Variants in DMD observed in about 807,000 individuals in gnomAD.
DMD encodes dystrophin.
In DMD, 63 loss-of-function variants were observed where a neutral mutation model predicts 330.1. The ratio of observed to expected loss-of-function variants is 0.19; its 90% CI spans 0.16 to 0.24. DMD has a LOEUF of 0.24. Ranked by LOEUF, DMD falls within the 10% of genes least tolerant of loss-of-function variation. The probability of loss-of-function intolerance (pLI) is 1.00; values close to 1 mark genes in which losing one functional copy is unlikely to be tolerated. For synonymous variants in DMD, 1,223 were observed against 959.8 expected (o/e 1.27, Z -5.07); for missense variants, 3,344 against 2,684.1 (o/e 1.25, Z -5.43).
Position 32,545,200 on chromosome X carries a change from T to C in DMD, c.2127A>G (p.Gln709=), listed in dbSNP as rs749946235. The change falls in exon 17 of 79, where the codon CAA becomes CAG. Residue 709 remains glutamine (Q), a synonymous_variant. Transcript: ENST00000357033. ...AATCCACAGTAATCTGCCTCTTCTT[T>C]TGGGGAGGTGGTGGTGGAAGTTCCT... The part of the protein sequence containing the change: ...AQEELPPPPP[Q]KKRQITVDSE... 3 of 1,210,833 alleles carry C rather than the reference T, an allele frequency of 2.5e-6. No homozygotes were observed. Among genetic ancestry groups the C allele is most frequent in the East Asian group, 3.0e-5 (1 of 33,810 alleles).
intron 1 of DMD, among the ~76,000 whole-genome samples, chrX:33,187,092 T>C (rs1412156826): frequency 4.5e-5 from 5 of 112,132 alleles, no homozygotes; most frequent in Non-Finnish European, 9.4e-5. Context: ...GAATTGAACA[T>C]TGATTTAATA....
At chrX:32,444,699 G>T (rs190320635) in intron 27 of DMD, among the ~76,000 whole-genome samples, 2 of 110,948 alleles carry the variant, frequency 1.8e-5, no homozygotes, top group East Asian at 5.7e-4. Context: ...GTTTTCACAA[G>T]CCCTGGTTTA....
chrX:32,863,537 T>TACAC (rs199774174), intron 2 of DMD, among the ~76,000 whole-genome samples: 9,100 of 78,103 alleles, frequency 0.12, 517 homozygotes, highest in Non-Finnish European at 0.14. Flanking sequence ...ATTGTGTTTA[T>TACAC]ACACACACAC....
At chrX:32,368,598 C>CT (rs750531989) in intron 34 of DMD, among the ~76,000 whole-genome samples, 8 of 112,027 alleles carry the variant, frequency 7.1e-5, no homozygotes, top group African/African-American at 1.9e-4. Flanking sequence ...ATGTCTGCAT[C>CT]TTCAGATGTA....
intron 62 of DMD, among the ~76,000 whole-genome samples, chrX:31,284,600 T>TTCTTCTTCTTCTTCA (rs1377070527): frequency 8.2e-5 from 8 of 97,296 alleles, no homozygotes; most frequent in Non-Finnish European, 1.7e-4. Flanking sequence ...CTTCTTCTTC[T>TTCTTCTTCTTCTTCA]TCTTCTTTTT....
intron 33 of DMD, among the ~76,000 whole-genome samples, chrX:32,383,471 T>A (rs17309380): frequency 0.03 from 3,310 of 111,341 alleles, 61 homozygotes; most frequent in Admixed American, 0.07. Flanking sequence ...GTTGAAAATA[T>A]TTTGAGTCAA....
At chrX:32,150,899 G>A (rs776536866) in intron 44 of DMD, among the ~76,000 whole-genome samples, 5 of 111,054 alleles carry the variant, frequency 4.5e-5, no homozygotes, top group African/African-American at 1.3e-4. Context: ...CCAAACTACC[G>A]TGCTGCTACT....
intron 55 of DMD, among the ~76,000 whole-genome samples, chrX:31,617,339 A>T (rs1293046428): frequency 9.0e-6 from 1 of 110,632 alleles, no homozygotes; most frequent in Non-Finnish European, 1.9e-5. Context: ...GTTTGCGACC[A>T]GCCTGGCCAA....
intron 51 of DMD, among the ~76,000 whole-genome samples, chrX:31,753,014 T>C (rs180928651): frequency 2.3e-4 from 26 of 111,867 alleles, no homozygotes; most frequent in Admixed American, 9.5e-4. Flanking sequence ...CATATGAAAA[T>C]TGAAAGTTAG....
chrX:31,890,244 C>A (rs1169561376), intron 47 of DMD, among the ~76,000 whole-genome samples: 1 of 108,537 alleles, frequency 9.2e-6, no homozygotes, highest in East Asian at 2.9e-4. Flanking sequence ...GATGGTGGTG[C>A]CTGCCTATAA....
intron 7 of DMD, among the ~76,000 whole-genome samples, chrX:32,764,771 T>C (rs1019059337): frequency 3.6e-5 from 4 of 111,580 alleles, no homozygotes; most frequent in Admixed American, 1.9e-4. Context: ...ATTTTGAAGG[T>C]CCTTTTTTCA....
At chrX:31,422,002 CAT>C (rs1310270113) in intron 60 of DMD, among the ~76,000 whole-genome samples, 13 of 64,584 alleles carry the variant, frequency 2.0e-4, no homozygotes, top group South Asian at 2.0e-3. Flanking sequence ...TATACACACA[CAT>C]ATATATATAT....
chrX:31,564,224 T>A (rs776700739), intron 55 of DMD, among the ~76,000 whole-genome samples: 1 of 111,986 alleles, frequency 8.9e-6, no homozygotes, highest in African/African-American at 3.2e-5. Context: ...AGACTTCTTT[T>A]GGTTAAGTCA....
At chrX:33,050,665 TCCATCACAAGG>T (rs2094446106) in intron 1 of DMD, among the ~76,000 whole-genome samples, 1 of 111,299 alleles carries the variant, frequency 9.0e-6, no homozygotes, top group Non-Finnish European at 1.9e-5. Flanking sequence ...AGTAAATCAG[TCCATCACAAGG>T]CACTTCAGCC....
At chrX:33,186,504 A>C (rs1332757179) in intron 1 of DMD, among the ~76,000 whole-genome samples, 1 of 111,156 alleles carries the variant, frequency 9.0e-6, no homozygotes, top group Non-Finnish European at 1.9e-5. Context: ...GAAAGGTTAC[A>C]TTAGGTTTTT....
chrX:32,600,600 A>ACACACG (rs1569284450), intron 12 of DMD, among the ~76,000 whole-genome samples: 1 of 80,823 alleles, frequency 1.2e-5, no homozygotes, highest in African/African-American at 4.5e-5. Context: ...ACGCACACGC[A>ACACACG]CACACACACA....
intron 44 of DMD, among the ~76,000 whole-genome samples, chrX:32,181,404 CT>C (rs2096926619): frequency 8.9e-6 from 1 of 111,959 alleles, no homozygotes; most frequent in Admixed American, 9.5e-5. Flanking sequence ...TATATCATTG[CT>C]TCCTGCTCAG....
At chrX:32,662,589 G>A (rs1427625174) in intron 9 of DMD, among the ~76,000 whole-genome samples, 2 of 111,571 alleles carry the variant, frequency 1.8e-5, no homozygotes, top group Non-Finnish European at 3.8e-5. Flanking sequence ...GTTCCGTATA[G>A]TTGGCCAACA....
chrX:32,340,313 T>G (rs1446938035), intron 41 of DMD, among the ~76,000 whole-genome samples: 1 of 112,015 alleles, frequency 8.9e-6, no homozygotes, highest in Admixed American at 9.5e-5. Context: ...GAATTTTGGA[T>G]CTTTAATATA....
Sources: allele counts gnomAD v4.1 joint callset (sites outside exome capture counted in the v4.1 genomes callset), GRCh38; gene constraint gnomAD v4.1.1; transcripts MANE v1.5; gene names NCBI Gene and HGNC (gene_info 2026-07-23, HGNC 2026-07-21).